MTA1: variants seen among roughly 807,000 people sequenced by gnomAD.
MTA1 encodes the protein metastasis associated 1.
In MTA1, 15 loss-of-function variants were observed where a neutral mutation model predicts 97.0. The ratio of observed to expected loss-of-function variants is 0.15; its 90% CI spans 0.10 to 0.24. The LOEUF (loss-of-function observed/expected upper bound fraction) is 0.24. Ranked by LOEUF, MTA1 falls within the 10% of genes least tolerant of loss-of-function variation. MTA1 has a pLI of 1.00. For missense variants in MTA1, 709 were observed against 1,015.1 expected, an observed-to-expected ratio of 0.70 and a Z score of 4.10; for synonymous variants, 435 against 417.5, an observed-to-expected ratio of 1.04 and a Z score of -0.51.
At chr14:105,465,214 A>G (rs2083520334) in intron 16 of MTA1, 31 bp downstream of exon 16, 2 of 1,480,788 alleles carry the variant, frequency 1.4e-6, no homozygotes, top group South Asian at 1.3e-5. Flanking sequence ...GGGGGCTCCC[A>G]ATGCTGCCTG....
At chr14:105,448,585 G>T (rs2082798999) in intron 3 of MTA1, among the ~76,000 whole-genome samples, 1 of 152,240 alleles carries the variant, frequency 6.6e-6, no homozygotes, top group Non-Finnish European at 1.5e-5. Context: ...CGAGTGAGAT[G>T]TGTTGGCCTG....
At chr14:105,452,308 A>G (rs919754059) in intron 6 of MTA1, among the ~76,000 whole-genome samples, 1 of 152,266 alleles carries the variant, frequency 6.6e-6, no homozygotes, top group Non-Finnish European at 1.5e-5. Flanking sequence ...GAAACAGCAC[A>G]CAGCAGTCAC....
At chr14:105,465,045 G>T in intron 15 of MTA1, 49 bp from the exon 16 acceptor site, 1 of 1,465,862 alleles carries the variant, frequency 6.8e-7, no homozygotes. Context: ...GCAGGGTCCC[G>T]TGCTCCCCTG....
chr14:105,440,797 G>C (rs1443067438), intron 2 of MTA1, among the ~76,000 whole-genome samples: 8 of 152,256 alleles, frequency 5.3e-5, no homozygotes, highest in African/African-American at 1.9e-4. Flanking sequence ...GCAGGCCTGC[G>C]ACAGAGTGCG....
Position 105,438,721 on chromosome 14 carries a change from A to G in MTA1, c.78A>G (p.Arg26=), listed in dbSNP as rs1555424979. The G allele has an allele frequency of 6.2e-7, 1 of 1,612,792 alleles. No individual in the cohort carries two copies. Among genetic ancestry groups the G allele is most frequent in the South Asian group, 1.1e-5 (1 of 91,070 alleles). ...NSSSNPYLIR[R]IEELNKTANG... is the part of the protein sequence containing the mutation. ...CCAGCAACCCATACCTGATCCGGAG[A>G]ATCGAGGAGCTCAACAAGGTACTGG... is the stretch of plus-strand genomic sequence containing the variant. Residue 26 remains arginine (R), a synonymous_variant, in exon 2 of 21, where the codon AGA becomes AGG. Transcript: ENST00000331320.
chr14:105,432,687 G>A (rs183456009), intron 1 of MTA1, among the ~76,000 whole-genome samples: 8 of 152,282 alleles, frequency 5.3e-5, no homozygotes, highest in Non-Finnish European at 1.0e-4. Context: ...TTAAAGTTAC[G>A]AGGCACAACC....
At position 105,463,805 on chromosome 14, in the gene MTA1, G is replaced by C; in HGVS notation, c.1077-227G>C. ...CCCACACCGCCAGGGTTCAGTCCCT[G>C]AGCTGGGCTCCATGCTAGGGGGAGC... On this transcript the variant is annotated intron_variant, in intron 12 of 20. Coordinates refer to ENST00000331320, the MANE Select transcript of MTA1 (RefSeq NM_004689.4). This position sits in a 1 kb window ranked among gnomAD's most constrained non-coding sequence, Gnocchi z 5.9. The C allele has an allele frequency of 1.6e-6, 1 of 631,388 alleles. No homozygotes were observed. Among genetic ancestry groups the C allele is most frequent in the Non-Finnish European group, 2.8e-6 (1 of 357,110 alleles). 39.1% of individuals were successfully genotyped at this position (631,388 alleles called of 1,614,324 possible).
intron 15 of MTA1, 108 bp from the exon 16 acceptor site, chr14:105,464,986 C>A: frequency 7.4e-7 from 1 of 1,360,520 alleles, no homozygotes; most frequent in South Asian, 1.5e-5. Context: ...ACGTCCTCCT[C>A]GGTGCTGACA....
chr14:105,425,670 C>A (rs1271470302), intron 1 of MTA1, among the ~76,000 whole-genome samples: 1 of 150,998 alleles, frequency 6.6e-6, no homozygotes, highest in Admixed American at 6.6e-5. Context: ...GTCTCCACCC[C>A]CACCCCCACC....
chr14:105,428,609 T>C (rs587772456), intron 1 of MTA1, among the ~76,000 whole-genome samples: 2 of 152,294 alleles, frequency 1.3e-5, no homozygotes, highest in African/African-American at 2.4e-5. Flanking sequence ...ATCCTTGAAC[T>C]TTGTTCCTCA....
In MTA1 at chr14:105,470,091, C is replaced by T. The variant is rs1555434113; in HGVS notation, c.2024C>T (p.Ser675Leu). 7 of 1,612,630 alleles carry T rather than the reference C, an allele frequency of 4.3e-6. No homozygotes were observed. Among genetic ancestry groups the T allele is most frequent in the South Asian group, 1.1e-5 (1 of 91,086 alleles). ...TRKIRKLLSS[S>L]ETKRAARRPY... ...AAGATCCGCAAGCTGCTCTCATCCT[C>T]GGAAACCAAGCGTGCTGCCCGCCGG... Residue 675 changes from serine to leucine, a missense_variant, in exon 21 of 21, where the codon TCG (serine) becomes TTG (leucine). Physicochemically the swap from Ser to Leu is moderately radical, Grantham distance 145. Transcript: ENST00000331320.
chr14:105,421,949 G>A (rs964769541), intron 1 of MTA1, among the ~76,000 whole-genome samples: 20 of 152,346 alleles, frequency 1.3e-4, no homozygotes, highest in East Asian at 3.9e-4. Context: ...AGGCTGTGGC[G>A]GAGGGGCCCC....
At chr14:105,425,126 C>T (rs1169049988) in intron 1 of MTA1, among the ~76,000 whole-genome samples, 3 of 152,206 alleles carry the variant, frequency 2.0e-5, no homozygotes, top group Non-Finnish European at 4.4e-5. Flanking sequence ...GGCCTCCTTC[C>T]TCCTCCTGCT....
At chr14:105,430,887 G>A (rs888541262) in intron 1 of MTA1, among the ~76,000 whole-genome samples, 8 of 152,144 alleles carry the variant, frequency 5.3e-5, no homozygotes, top group Non-Finnish European at 8.8e-5. Flanking sequence ...ATGGGAACAC[G>A]GCCGCACTAA....
chr14:105,428,353 C>T (rs903221926), intron 1 of MTA1, among the ~76,000 whole-genome samples: 1 of 151,666 alleles, frequency 6.6e-6, no homozygotes, highest in Non-Finnish European at 1.5e-5. Context: ...TGCAGTGGTA[C>T]AGCCATGACT....
At chr14:105,421,847 G>A (rs909325782) in intron 1 of MTA1, among the ~76,000 whole-genome samples, 1 of 152,190 alleles carries the variant, frequency 6.6e-6, no homozygotes, top group African/African-American at 2.4e-5. Flanking sequence ...CGCCCTCCCC[G>A]AACCCTCTGT....
At chr14:105,467,310 C>T (rs749305934) in intron 18 of MTA1, 18 of 425,186 alleles carry the variant, frequency 4.2e-5, no homozygotes, top group Non-Finnish European at 7.6e-5. Flanking sequence ...GTGTGGGGCC[C>T]GGGTGTGCAA....
chr14:105,455,098 G>T (rs587651947), intron 7 of MTA1, among the ~76,000 whole-genome samples: 139 of 152,166 alleles, frequency 9.1e-4, no homozygotes, highest in African/African-American at 3.1e-3. Context: ...TAGAGACAGG[G>T]TTTCGCCATG....
chr14:105,460,460 A>AAGTG lies in MTA1; in HGVS notation c.753+4_753+7dup. 1 of 1,607,432 alleles carries AAGTG rather than the reference A, an allele frequency of 6.2e-7. No homozygotes were observed. The highest frequency in any genetic ancestry group is 8.5e-7 in the Non-Finnish European group (1 of 1,177,596). ...CTGCCTCCCGAGACATCACCCTGGTAAGTGGGCCCAGGGCGGGACAGGTGA... is the reference window on the plus strand; with the variant it reads ...CTGCCTCCCGAGACATCACCCTGGTAAGTGAGTGGGCCCAGGGCGGGACAGGTGA... On this transcript the variant is annotated splice_donor_region_variant and intron_variant, in intron 9 of 20. Transcript: ENST00000331320.
Sources: gnomAD v4.1 joint callset for allele counts (sites outside exome capture counted in the v4.1 genomes callset) on GRCh38, gnomAD v4.1.1 for gene constraint, Gnocchi (gnomAD v3.1) non-coding constraint, MANE v1.5 for transcripts, NCBI Gene and HGNC (gene_info 2026-07-23, HGNC 2026-07-21) for gene names.